SERPINB7: variants seen among roughly 807,000 people sequenced by gnomAD.
SERPINB7 encodes the protein serpin family B member 7, also known as serpin B7.
SERPINB7 carries 31 observed loss-of-function variants against 37.4 expected under a neutral mutation model. The observed-to-expected ratio is 0.83, with a 90% CI of 0.62 to 1.12. The LOEUF is 1.12. Ranked by LOEUF, SERPINB7 falls within the 50% of genes most tolerant of loss-of-function variation. The pLI is 0.00. For synonymous variants in SERPINB7, 163 were observed against 166.1 expected (o/e 0.98, Z 0.14); for missense variants, 521 against 455.3 (o/e 1.14, Z -1.31).
intron 4 of SERPINB7, 111 bp downstream of exon 4, chr18:63,793,388 GCTA>G (rs2049450567): frequency 3.7e-6 from 2 of 544,978 alleles, no homozygotes; most frequent in Admixed American, 6.1e-5. Context: ...GTTTCTCATT[GCTA>G]CTTATTATGT....
chr18:63,795,057 T>G (rs927217755), intron 4 of SERPINB7, among the ~76,000 whole-genome samples: 1 of 152,246 alleles, frequency 6.6e-6, no homozygotes, highest in African/African-American at 2.4e-5. Context: ...TGACTTTTTT[T>G]GTATTAAGAA....
rs2049237951 is a variant in SERPINB7 at position 63,775,437 on chromosome 18, T to C, written c.-298T>C. ...CTACTCATCAATAAGCAGCTGCCTG[T>C]GCAGAGTGCAGGCTGCACCTTTGGA... On this transcript the variant is annotated 5_prime_UTR_variant, in exon 1 of 8. Transcript: ENST00000398019. 1 of 152,208 alleles carries C rather than the reference T, an allele frequency of 6.6e-6. No individual in the cohort carries two copies. Among genetic ancestry groups the C allele is most frequent in the African/African-American group, 2.4e-5 (1 of 41,460 alleles). The allele number at this position is 152,208 out of a possible 1,614,324, so 9.4% of individuals were successfully genotyped here. A position where few individuals can be genotyped will look rare whatever the true frequency, so the allele number is the denominator to read the frequency against.
intron 1 of SERPINB7, among the ~76,000 whole-genome samples, chr18:63,758,479 G>A (rs977151066): frequency 1.3e-5 from 2 of 152,144 alleles, no homozygotes; most frequent in Non-Finnish European, 1.5e-5. Context: ...GAAGCACTGG[G>A]AAATCTACCC....
chr18:63,778,012 G>T (rs914128383), intron 1 of SERPINB7: 1 of 151,708 alleles, frequency 6.6e-6, no homozygotes, highest in African/African-American at 2.4e-5. Context: ...ATCGGATAAT[G>T]GTCCTCTTGT....
chr18:63,766,837 C>A (rs1300565231), intron 1 of SERPINB7, among the ~76,000 whole-genome samples: 1 of 152,180 alleles, frequency 6.6e-6, no homozygotes, highest in East Asian at 1.9e-4. Flanking sequence ...AAACAACTTT[C>A]AATTCCCTCT....
chr18:63,761,560 T>C (rs952133682), intron 1 of SERPINB7, among the ~76,000 whole-genome samples: 2 of 152,142 alleles, frequency 1.3e-5, no homozygotes, highest in Admixed American at 1.3e-4. Flanking sequence ...TTTGACTGTG[T>C]CCCCATCCAA....
At chr18:63,789,312 G>A (rs1223540575) in intron 2 of SERPINB7, among the ~76,000 whole-genome samples, 1 of 152,102 alleles carries the variant, frequency 6.6e-6, no homozygotes, top group Non-Finnish European at 1.5e-5. Flanking sequence ...CTGAGATGAT[G>A]GACAGTAATG....
At chr18:63,786,698 C>A (rs2049377031) in intron 2 of SERPINB7, among the ~76,000 whole-genome samples, 1 of 152,022 alleles carries the variant, frequency 6.6e-6, no homozygotes, top group African/African-American at 2.4e-5. Context: ...TCATTGCCAT[C>A]ATCTGAATTC....
chr18:63,794,807 T>C (rs2049470183), intron 4 of SERPINB7, among the ~76,000 whole-genome samples: 1 of 152,226 alleles, frequency 6.6e-6, no homozygotes, highest in Admixed American at 6.5e-5. Context: ...AAAAGAGCTG[T>C]ATCCAAGGAA....
rs1367840407 is a variant in SERPINB7, at chr18:63,790,607, G to T, written c.169-1786G>T. Among the ~76,000 whole-genome samples, 5 of 152,042 alleles carry T rather than the reference G, an allele frequency of 3.3e-5. 1 individual carries two copies. The highest frequency in any genetic ancestry group is 1.2e-4 in the African/African-American group (5 of 41,384). On this transcript the variant is annotated intron_variant, in intron 2 of 7. Transcript: ENST00000398019. ...ATAAACAATAAGAAAGAAATATAAG[G>T]GATAATATCGAATATTAGAGATAGT... is the stretch of plus-strand genomic sequence containing the variant.
chr18:63,800,366 A>G (rs1473539375), intron 6 of SERPINB7, among the ~76,000 whole-genome samples: 1 of 152,072 alleles, frequency 6.6e-6, no homozygotes, highest in Non-Finnish European at 1.5e-5. Context: ...CTGGTCTTAA[A>G]TCATGTAATT....
rs1568207606 is a variant in SERPINB7 at position 63,783,209 on chromosome 18, AG to A, written c.168+670del. 9.5e-3 allele frequency among the ~76,000 whole-genome samples: 725 copies of A among 76,364 alleles called. 9 individuals are homozygous for A. Among genetic ancestry groups the A allele is most frequent in the African/African-American group, 0.024 (527 of 21,862 alleles). The allele number at this position is 76,364 out of a possible 152,430, so 50.1% of individuals were successfully genotyped here. A position where few individuals can be genotyped will look rare whatever the true frequency, so the allele number is the denominator to read the frequency against. The stretch of plus-strand genomic sequence containing the variant: ...GAAAGAGAGAGAGAGAGAGAGAGAG[AG>A]AGAGAGAGAGAGAGAGAGAGAGAGA... On this transcript the variant is annotated intron_variant, in intron 2 of 7. Transcript: ENST00000398019.
chr18:63,779,247 T>C (rs1397737135), intron 1 of SERPINB7, among the ~76,000 whole-genome samples: 1 of 152,154 alleles, frequency 6.6e-6, no homozygotes, highest in African/African-American at 2.4e-5. Context: ...AAAGTATTTA[T>C]AGGGAAAGGA....
rs188625393 is a variant in SERPINB7, at chr18:63,780,185, T to G, written c.-18-2170T>G. On this transcript the variant is annotated intron_variant, in intron 1 of 7. Coordinates refer to ENST00000398019, the MANE Select transcript of SERPINB7 (RefSeq NM_003784.4). ...TTGAAGTTACTTTCCCAAGAACAATTCATTTCATTTACTACTGTCTGATTT... is the reference window on the plus strand; with the variant it reads ...TTGAAGTTACTTTCCCAAGAACAATGCATTTCATTTACTACTGTCTGATTT... 5.7e-3 allele frequency among the ~76,000 whole-genome samples: 870 copies of G among 152,294 alleles called. 4 individuals carry two copies. Among genetic ancestry groups the G allele is most frequent in the South Asian group, 9.7e-3 (47 of 4,826 alleles).
chr18:63,800,157 G>A (rs1599021912), intron 6 of SERPINB7, among the ~76,000 whole-genome samples: 1 of 151,568 alleles, frequency 6.6e-6, no homozygotes, highest in South Asian at 2.1e-4. Context: ...GGGCTCAGGT[G>A]GTCCTCCCAC....
chr18:63,792,351 C>T, intron 2 of SERPINB7, 42 bp from the exon 3 acceptor site: 2 of 1,427,256 alleles, frequency 1.4e-6, no homozygotes, highest in Non-Finnish European at 2.0e-6. Context: ...GTTCTCGTAA[C>T]CTCTGATTCT....
At chr18:63,769,716 T>C (rs2049199601) in intron 1 of SERPINB7, among the ~76,000 whole-genome samples, 1 of 152,120 alleles carries the variant, frequency 6.6e-6, no homozygotes, top group Non-Finnish European at 1.5e-5. Context: ...CAGCAGTCAA[T>C]CTGAAACTGT....
chr18:63,799,106 A>G (rs192156701), intron 6 of SERPINB7, among the ~76,000 whole-genome samples: 14 of 152,338 alleles, frequency 9.2e-5, no homozygotes, highest in African/African-American at 3.1e-4. Flanking sequence ...TATACTTAAA[A>G]TCATTTACCA....
chr18:63,774,913 G>A (rs759966538), upstream of SERPINB7, among the ~76,000 whole-genome samples: 2 of 152,064 alleles, frequency 1.3e-5, no homozygotes, highest in Non-Finnish European at 2.9e-5. Context: ...AAAGGTTAGA[G>A]GTCCAGATGA....
Sources: allele counts gnomAD v4.1 joint callset (sites outside exome capture counted in the v4.1 genomes callset), GRCh38; gene constraint gnomAD v4.1.1; transcripts MANE v1.5; gene names NCBI Gene and HGNC (gene_info 2026-07-23, HGNC 2026-07-21).